Variants in ASAP1 observed in about 807,000 individuals in gnomAD.
The protein encoded by ASAP1 is arf-GAP with SH3 domain, ANK repeat and PH domain-containing protein 1.
Under a neutral mutation model 145.2 loss-of-function variants are expected in ASAP1, and 43 were observed. The observed-to-expected ratio is 0.30, with a 90% CI of 0.23 to 0.38. ASAP1 has a LOEUF of 0.38. Among genes scored for constraint, ASAP1 ranks in the 10% least tolerant of loss-of-function variants. The probability of loss-of-function intolerance (pLI) is 1.00; values close to 1 mark genes in which losing one functional copy is unlikely to be tolerated. For missense variants in ASAP1, 1,018 were observed against 1,355.3 expected, an observed-to-expected ratio of 0.75 and a Z score of 3.91; for synonymous variants, 546 against 515.5, an observed-to-expected ratio of 1.06 and a Z score of -0.80.
At chr8:130,322,180 A>G (rs1824048277) in intron 3 of ASAP1, among the ~76,000 whole-genome samples, 1 of 152,226 alleles carries the variant, frequency 6.6e-6, no homozygotes, top group Admixed American at 6.5e-5. Flanking sequence ...TCAATAAAAC[A>G]ACTTCCAAAA....
intron 9 of ASAP1, among the ~76,000 whole-genome samples, chr8:130,170,811 T>C (rs1813542145): frequency 6.6e-6 from 1 of 152,100 alleles, no homozygotes. Flanking sequence ...CTAGACTTCC[T>C]GGGCTCAAGT....
chr8:130,216,311 G>C (rs1373573332), intron 4 of ASAP1, among the ~76,000 whole-genome samples: 1 of 152,174 alleles, frequency 6.6e-6, no homozygotes, highest in African/African-American at 2.4e-5. Flanking sequence ...GATGAATTAG[G>C]TGCACATGAG....
At chr8:130,338,228 C>T (rs1825158183) in intron 3 of ASAP1, among the ~76,000 whole-genome samples, 1 of 152,172 alleles carries the variant, frequency 6.6e-6, no homozygotes, top group Non-Finnish European at 1.5e-5. Context: ...CAGCAGATGC[C>T]TAAGTAACAG....
intron 1 of ASAP1, among the ~76,000 whole-genome samples, chr8:130,442,794 C>T (rs1288426212): frequency 6.6e-6 from 1 of 152,038 alleles, no homozygotes; most frequent in East Asian, 1.9e-4. Flanking sequence ...CGCAGAAAAC[C>T]GGACACCGGC....
chr8:130,417,603 A>C (rs112428781), intron 1 of ASAP1, among the ~76,000 whole-genome samples: 1 of 151,740 alleles, frequency 6.6e-6, no homozygotes, highest in Admixed American at 6.6e-5. Context: ...AAACCCCACA[A>C]GTCCTGGCTT....
intron 1 of ASAP1, among the ~76,000 whole-genome samples, chr8:130,413,054 A>C (rs1053868350): frequency 7.9e-5 from 12 of 152,260 alleles, no homozygotes; most frequent in African/African-American, 2.7e-4. Flanking sequence ...CCTAGGCAAC[A>C]GGTATTGCTG....
At chr8:130,407,027 G>A (rs1311557021) in intron 1 of ASAP1, among the ~76,000 whole-genome samples, 1 of 152,128 alleles carries the variant, frequency 6.6e-6, no homozygotes, top group African/African-American at 2.4e-5. Context: ...CATAAGGAAA[G>A]TACCTACCTC....
chr8:130,140,549 G>A (rs971665623), intron 13 of ASAP1, among the ~76,000 whole-genome samples: 3 of 151,826 alleles, frequency 2.0e-5, no homozygotes, highest in African/African-American at 4.8e-5. Flanking sequence ...TTCTAAGCAC[G>A]GACTATTTCA....
chr8:130,413,938 G>A (rs1381203707), intron 1 of ASAP1, among the ~76,000 whole-genome samples: 1 of 152,052 alleles, frequency 6.6e-6, no homozygotes, highest in African/African-American at 2.4e-5. Flanking sequence ...CACTCCAACA[G>A]TTGCCTATGA....
At chr8:130,335,594 A>G (rs1824981957) in intron 3 of ASAP1, among the ~76,000 whole-genome samples, 1 of 152,206 alleles carries the variant, frequency 6.6e-6, no homozygotes, top group African/African-American at 2.4e-5. Context: ...AGAGCATACA[A>G]CCACCCTAGT....
intron 2 of ASAP1, among the ~76,000 whole-genome samples, chr8:130,399,615 A>G (rs977061388): frequency 7.9e-5 from 12 of 152,126 alleles, no homozygotes; most frequent in Non-Finnish European, 1.5e-4. Context: ...TCATCCACCC[A>G]TTCAGGACAC....
intron 13 of ASAP1, among the ~76,000 whole-genome samples, chr8:130,150,047 G>A (rs1219903034): frequency 6.6e-6 from 1 of 152,170 alleles, no homozygotes; most frequent in Admixed American, 6.5e-5. Flanking sequence ...ATAAACTAAC[G>A]GTAATAGCAG....
intron 24 of ASAP1, among the ~76,000 whole-genome samples, chr8:130,099,739 G>C (rs2097525459): frequency 7.0e-6 from 1 of 142,652 alleles, no homozygotes; most frequent in African/African-American, 2.6e-5. Flanking sequence ...CTGGAGTGCA[G>C]TGGCATGATC....
chr8:130,316,790 G>A lies in ASAP1; in HGVS notation c.186+41227C>T, dbSNP rs572109365. ...ATGTCTAAGTTCCTTTTAGAGGAGA[G>A]AGAAATAAACTATCGCATTTAAGCT... is the stretch of plus-strand genomic sequence containing the variant. On this transcript the variant is annotated intron_variant, in intron 3 of 29. Coordinates refer to ENST00000518721, the MANE Select transcript of ASAP1 (RefSeq NM_018482.4). 3.9e-5 allele frequency among the ~76,000 whole-genome samples: 6 copies of A among 152,336 alleles called. No homozygotes were observed. The East Asian group carries it at 1.2e-3, about 29-fold the overall frequency.
At chr8:130,433,294 T>C (rs867891619) in intron 1 of ASAP1, among the ~76,000 whole-genome samples, 40 of 152,272 alleles carry the variant, frequency 2.6e-4, no homozygotes, top group Middle Eastern at 6.8e-3. Flanking sequence ...TCCCCAAAAA[T>C]AGCCAGCACA....
chr8:130,263,091 A>G (rs1488772578), intron 3 of ASAP1, among the ~76,000 whole-genome samples: 6 of 152,242 alleles, frequency 3.9e-5, no homozygotes, highest in Non-Finnish European at 8.8e-5. Context: ...TAATATGAAT[A>G]GCTCCCTTTG....
chr8:130,223,454 T>C (rs1817411331), intron 4 of ASAP1, among the ~76,000 whole-genome samples: 2 of 152,222 alleles, frequency 1.3e-5, no homozygotes, highest in Admixed American at 6.5e-5. Context: ...TACTCCAAAA[T>C]TCAGAGCTGA....
chr8:130,206,039 A>C (rs1337185682), intron 5 of ASAP1, among the ~76,000 whole-genome samples: 1 of 151,938 alleles, frequency 6.6e-6, no homozygotes, highest in Non-Finnish European at 1.5e-5. Flanking sequence ...CATATATCTC[A>C]AATTTTTATA....
At chr8:130,129,212 CAATTA>C (rs1484514369) in intron 15 of ASAP1, among the ~76,000 whole-genome samples, 5 of 152,192 alleles carry the variant, frequency 3.3e-5, no homozygotes, top group African/African-American at 7.2e-5. Context: ...AACTGTGAGT[CAATTA>C]AACTTCTTTC....
Sources: allele counts gnomAD v4.1 joint callset (sites outside exome capture counted in the v4.1 genomes callset), GRCh38; gene constraint gnomAD v4.1.1; transcripts MANE v1.5; gene names NCBI Gene and HGNC (gene_info 2026-07-23, HGNC 2026-07-21).